GRIK2: variants seen among roughly 807,000 people sequenced by gnomAD.
The protein encoded by GRIK2 is glutamate receptor ionotropic, kainate 2.
Under a neutral mutation model 100.3 loss-of-function variants are expected in GRIK2, and 32 were observed. That is an observed-to-expected ratio of 0.32 (90% confidence interval 0.24 to 0.43). The LOEUF (loss-of-function observed/expected upper bound fraction) is 0.43. Ranked by LOEUF, GRIK2 falls within the 20% of genes least tolerant of loss-of-function variation. The pLI, the probability that GRIK2 is intolerant of heterozygous loss-of-function variation, is 1.00. For missense variants in GRIK2, 843 were observed against 1,114.9 expected, an observed-to-expected ratio of 0.76 and a Z score of 3.47; for synonymous variants, 417 against 389.4, an observed-to-expected ratio of 1.07 and a Z score of -0.83.
chr6:101,470,884 T>C lies in GRIK2; in HGVS notation c.115+71492T>C, dbSNP rs73504603. On this transcript the variant is annotated intron_variant, in intron 2 of 16. Coordinates refer to ENST00000369134, the MANE Select transcript of GRIK2 (RefSeq NM_021956.5). ...AAATATTCTACATGGAATGTATACATTTGAAAACATTTAGTGGACTGCATG... is the reference window on the plus strand; with the variant it reads ...AAATATTCTACATGGAATGTATACACTTGAAAACATTTAGTGGACTGCATG... Among the ~76,000 whole-genome samples the C allele has an allele frequency of 6.0e-3, 909 of 152,282 alleles. 10 individuals carry two copies. The highest frequency in any genetic ancestry group is 0.02 in the African/African-American group (840 of 41,564).
intron 14 of GRIK2, among the ~76,000 whole-genome samples, chr6:101,994,677 A>G (rs911849279): frequency 6.6e-6 from 1 of 151,896 alleles, no homozygotes; most frequent in Non-Finnish European, 1.5e-5. Context: ...ACTGGAATTT[A>G]GGATTCCTGA....
At chr6:102,001,606 T>C (rs1287457365) in intron 14 of GRIK2, among the ~76,000 whole-genome samples, 1 of 152,086 alleles carries the variant, frequency 6.6e-6, no homozygotes, top group Non-Finnish European at 1.5e-5. Flanking sequence ...CAGTCTATCA[T>C]TGATGGGCAT....
intron 2 of GRIK2, among the ~76,000 whole-genome samples, chr6:101,453,129 AAT>A (rs1770802210): frequency 6.6e-6 from 1 of 151,890 alleles, no homozygotes; most frequent in Non-Finnish European, 1.5e-5. Context: ...TCCAATAGAT[AAT>A]GTTATTATTC....
chr6:101,958,307 T>G, intron 14 of GRIK2, among the ~76,000 whole-genome samples: 1 of 112,814 alleles, frequency 8.9e-6, no homozygotes, highest in South Asian at 3.0e-4. Flanking sequence ...TGAGACTGCA[T>G]TCTTAGTTTG....
chr6:101,416,120 C>T (rs1211778601), intron 2 of GRIK2, among the ~76,000 whole-genome samples: 2 of 152,150 alleles, frequency 1.3e-5, no homozygotes, highest in Non-Finnish European at 2.9e-5. Flanking sequence ...TGGTTGGACC[C>T]CTGCAGAAGT....
At chr6:101,648,975 T>C (rs62421391) in intron 4 of GRIK2, among the ~76,000 whole-genome samples, 3,021 of 152,182 alleles carry the variant, frequency 0.02, 61 homozygotes, top group Non-Finnish European at 0.028. Flanking sequence ...CTTGTGAGAC[T>C]TATTCACTAC....
intron 2 of GRIK2, among the ~76,000 whole-genome samples, chr6:101,486,381 G>A (rs980805044): frequency 1.4e-5 from 2 of 140,378 alleles, no homozygotes; most frequent in Non-Finnish European, 3.2e-5. Flanking sequence ...GGTTGCATGA[G>A]GGGGTGGGGC....
rs149080137 is a variant in GRIK2 at position 101,786,496 on chromosome 6, A to G, written c.952-13152A>G. ...TTTATGCTTAGTCTGTTGAGTTTAT[A>G]TTATGAAGGAATGTTGAATTTTATC... On this transcript the variant is annotated intron_variant, in intron 7 of 16. Transcript: ENST00000369134. Among the ~76,000 whole-genome samples the G allele has an allele frequency of 2.6e-5, 4 of 152,140 alleles. No homozygotes were observed. In the East Asian group the frequency reaches 7.7e-4, roughly 29 times the overall value.
At chr6:101,907,797 C>T (rs1788341834) in intron 12 of GRIK2, among the ~76,000 whole-genome samples, 1 of 151,510 alleles carries the variant, frequency 6.6e-6, no homozygotes, top group Non-Finnish European at 1.5e-5. Flanking sequence ...ACGACATAAA[C>T]TTTAGAGTTC....
At chr6:101,497,618 G>GT (rs1258352295) in intron 2 of GRIK2, among the ~76,000 whole-genome samples, 1 of 151,892 alleles carries the variant, frequency 6.6e-6, no homozygotes, top group African/African-American at 2.4e-5. Flanking sequence ...ATTGCTTATT[G>GT]TTTTTGTTTA....
intron 2 of GRIK2, among the ~76,000 whole-genome samples, chr6:101,533,083 G>A (rs532539813): frequency 6.6e-6 from 1 of 151,974 alleles, no homozygotes; most frequent in South Asian, 2.1e-4. Context: ...TATCAACATA[G>A]GTTCTATTCA....
chr6:101,854,479 C>G (rs1206098790), intron 10 of GRIK2, among the ~76,000 whole-genome samples: 1 of 151,968 alleles, frequency 6.6e-6, no homozygotes, highest in African/African-American at 2.4e-5. Context: ...AGGCTGGTCT[C>G]AAACTTCTGA....
intron 3 of GRIK2, 122 bp from the exon 4 acceptor site, chr6:101,626,257 AT>A: frequency 2.2e-6 from 2 of 914,186 alleles, no homozygotes; most frequent in Non-Finnish European, 3.3e-6. Context: ...GTAGATATAT[AT>A]TTTTTAAAAA....
intron 7 of GRIK2, among the ~76,000 whole-genome samples, chr6:101,720,114 A>G (rs543346748): frequency 6.6e-6 from 1 of 151,316 alleles, no homozygotes; most frequent in Non-Finnish European, 1.5e-5. Flanking sequence ...TCTCCCCTGC[A>G]CCCCCTCGTT....
chr6:101,826,548 G>T (rs1371639065), intron 10 of GRIK2, among the ~76,000 whole-genome samples: 1 of 152,002 alleles, frequency 6.6e-6, no homozygotes, highest in African/African-American at 2.4e-5. Flanking sequence ...TAATAAATTA[G>T]ATTCAGAGAT....
At chr6:101,857,702 T>C (rs1784500439) in intron 10 of GRIK2, among the ~76,000 whole-genome samples, 2 of 152,252 alleles carry the variant, frequency 1.3e-5, no homozygotes, top group African/African-American at 4.8e-5. Context: ...TTGTTGCACC[T>C]TGGTTTATTC....
intron 7 of GRIK2, among the ~76,000 whole-genome samples, chr6:101,782,944 C>T (rs1036240600): frequency 6.6e-6 from 1 of 151,238 alleles, no homozygotes; most frequent in Non-Finnish European, 1.5e-5. Context: ...GCAAGCTCCG[C>T]CTCCCGGGTT....
intron 7 of GRIK2, among the ~76,000 whole-genome samples, chr6:101,771,836 A>C (rs1778427595): frequency 6.6e-6 from 1 of 151,840 alleles, no homozygotes; most frequent in African/African-American, 2.4e-5. Flanking sequence ...TTCCAGCTTC[A>C]TCCATGTCCC....
intron 2 of GRIK2, among the ~76,000 whole-genome samples, chr6:101,437,584 G>A (rs1368442237): frequency 1.3e-5 from 2 of 152,128 alleles, no homozygotes; most frequent in South Asian, 4.1e-4. Flanking sequence ...ATAAGAAAGT[G>A]TTGTAAATAA....
Sources: allele counts gnomAD v4.1 joint callset (sites outside exome capture counted in the v4.1 genomes callset), GRCh38; gene constraint gnomAD v4.1.1; transcripts MANE v1.5; gene names NCBI Gene and HGNC (gene_info 2026-07-23, HGNC 2026-07-21).